The following DLG2 variants were observed in gnomAD, a reference collection of about 807,000 sequenced individuals.
The protein encoded by DLG2 is discs large MAGUK scaffold protein 2.
A neutral mutation model predicts 132.5 loss-of-function variants in DLG2; 45 were observed. The observed-to-expected ratio is 0.34, with a 90% CI of 0.27 to 0.44. DLG2 has a LOEUF of 0.44. Among genes scored for constraint, DLG2 ranks in the 20% least tolerant of loss-of-function variants. DLG2 has a pLI of 1.00. For missense variants in DLG2, 1,045 were observed against 1,196.9 expected (o/e 0.87, Z 1.87); for synonymous variants, 424 against 419.6 (o/e 1.01, Z -0.13).
chr11:84,546,259 T>C (rs143135864), intron 6 of DLG2, among the ~76,000 whole-genome samples: 149 of 152,238 alleles, frequency 9.8e-4, no homozygotes, highest in African/African-American at 3.4e-3. Flanking sequence ...CGAGATCTGA[T>C]TGTTTGGAAG....
At chr11:85,506,870 CTA>C (rs2093947447) in intron 3 of DLG2, among the ~76,000 whole-genome samples, 1 of 152,152 alleles carries the variant, frequency 6.6e-6, no homozygotes, top group African/African-American at 2.4e-5. Context: ...TTGTAGATCT[CTA>C]AGGACTTGCT....
intron 6 of DLG2, among the ~76,000 whole-genome samples, chr11:84,751,664 G>A (rs1369797758): frequency 6.6e-6 from 1 of 152,130 alleles, no homozygotes; most frequent in African/African-American, 2.4e-5. Flanking sequence ...ACATAGAGAG[G>A]TAAAAGAACT....
At chr11:85,589,118 T>C (rs1469269963) in intron 3 of DLG2, among the ~76,000 whole-genome samples, 3 of 152,178 alleles carry the variant, frequency 2.0e-5, no homozygotes, top group Non-Finnish European at 1.5e-5. Flanking sequence ...GTTGTAGATA[T>C]GTTTAGTGTG....
At chr11:84,928,958 A>ATGTG (rs1186822886) in intron 6 of DLG2, among the ~76,000 whole-genome samples, 2,056 of 52,710 alleles carry the variant, frequency 0.039, 186 homozygotes, top group African/African-American at 0.048. Flanking sequence ...ACTCTCTGAT[A>ATGTG]TGTGTGTGTG....
intron 6 of DLG2, among the ~76,000 whole-genome samples, chr11:84,980,694 C>A (rs1223253637): frequency 6.6e-6 from 1 of 152,196 alleles, no homozygotes; most frequent in African/African-American, 2.4e-5. Context: ...TATCAACTTT[C>A]TTTTAACCAC....
At chr11:84,619,952 A>C (rs1035145765) in intron 6 of DLG2, among the ~76,000 whole-genome samples, 4 of 151,714 alleles carry the variant, frequency 2.6e-5, no homozygotes, top group Non-Finnish European at 5.9e-5. Context: ...TTCCAAGTTC[A>C]TCTAAAATGC....
At chr11:85,562,665 T>C (rs1381505852) in intron 3 of DLG2, among the ~76,000 whole-genome samples, 2 of 151,686 alleles carry the variant, frequency 1.3e-5, no homozygotes, top group South Asian at 2.1e-4. Context: ...AGTTCAAAAA[T>C]GGCCTTGTCT....
chr11:85,520,087 C>T (rs971688739), intron 3 of DLG2, among the ~76,000 whole-genome samples: 1 of 151,702 alleles, frequency 6.6e-6, no homozygotes, highest in African/African-American at 2.4e-5. Context: ...CTTTATACTG[C>T]CCAGCCTGGT....
At chr11:83,802,016 T>C (rs2153941692) in intron 17 of DLG2, among the ~76,000 whole-genome samples, 2 of 152,260 alleles carry the variant, frequency 1.3e-5, no homozygotes, top group East Asian at 3.9e-4. Flanking sequence ...GGGAGAATGG[T>C]TGATGAAACT....
chr11:85,180,995 A>G (rs1411769340), intron 4 of DLG2, among the ~76,000 whole-genome samples: 2 of 151,772 alleles, frequency 1.3e-5, no homozygotes, highest in East Asian at 3.9e-4. Context: ...ACAATTTTTT[A>G]ATTATTCATA....
At chr11:84,826,211 ACT>A (rs1408172543) in intron 6 of DLG2, among the ~76,000 whole-genome samples, 3 of 151,738 alleles carry the variant, frequency 2.0e-5, no homozygotes, top group African/African-American at 7.3e-5. Context: ...ATCCAATTAC[ACT>A]CTTTCAGTTA....
intron 3 of DLG2, among the ~76,000 whole-genome samples, chr11:85,486,595 C>A (rs561659439): frequency 9.2e-5 from 14 of 152,230 alleles, no homozygotes; most frequent in Admixed American, 7.2e-4. Context: ...CTGACCCAAC[C>A]TACTGATACC....
rs5793090 is a variant in DLG2 at position 83,892,699 on chromosome 11, T to TAAA, written c.1497-18214_1497-18212dup. Among the ~76,000 whole-genome samples the TAAA allele has an allele frequency of 3.4e-3, 493 of 147,082 alleles. 1 individual carries two copies. The highest frequency in any genetic ancestry group is 6.9e-3 in the African/African-American group (278 of 40,372). On this transcript the variant is annotated intron_variant, in intron 15 of 27. Coordinates refer to ENST00000376104, the MANE Select transcript of DLG2 (RefSeq NM_001142699.3). ...ACATGTCTTAAGATTTGCAAAGAAT[T>TAAA]AAAAAAAAAAAACTCACCTCTAGAG...
At chr11:85,330,852 C>T (rs1226194552) in intron 3 of DLG2, among the ~76,000 whole-genome samples, 2 of 147,660 alleles carry the variant, frequency 1.4e-5, no homozygotes, top group Non-Finnish European at 3.0e-5. Context: ...ATTTCTTTTC[C>T]AGAGTCTGCT....
intron 18 of DLG2, among the ~76,000 whole-genome samples, chr11:83,658,257 T>C (rs2153538192): frequency 6.6e-6 from 1 of 152,370 alleles, no homozygotes; most frequent in Admixed American, 6.5e-5. Context: ...ATGTTCTTGT[T>C]TTCTTAAGAA....
intron 7 of DLG2, among the ~76,000 whole-genome samples, chr11:84,338,122 A>C (rs1299062219): frequency 1.3e-5 from 2 of 152,232 alleles, no homozygotes; most frequent in Non-Finnish European, 2.9e-5. Flanking sequence ...TTAATTCACA[A>C]ATCATTATTT....
chr11:85,088,830 T>C (rs9634018), intron 6 of DLG2, among the ~76,000 whole-genome samples: 36,895 of 152,056 alleles, frequency 0.24, 4,721 homozygotes, highest in Middle Eastern at 0.29. Flanking sequence ...TCATCCTAAT[T>C]TCCTCTAAAC....
In DLG2 at chr11:83,458,474, C is replaced by A. The variant is rs184857187; in HGVS notation, c.*1344G>T. ...ACATAGAAACAAAAAAGTCTGCACC[C>A]CCTCACCCCCAACCAGACACTTCTC... On this transcript the variant is annotated 3_prime_UTR_variant, in exon 28 of 28. Coordinates refer to ENST00000376104, the MANE Select transcript of DLG2 (RefSeq NM_001142699.3). 3.1e-3 allele frequency: 475 copies of A among 153,170 alleles called. No individual in the cohort carries two copies. Among genetic ancestry groups the A allele is most frequent in the Non-Finnish European group, 5.1e-3 (346 of 68,398 alleles). The allele number at this position is 153,170 out of a possible 1,614,324, so 9.5% of individuals were successfully genotyped here. A position where few individuals can be genotyped will look rare whatever the true frequency, so the allele number is the denominator to read the frequency against.
At chr11:84,342,080 G>T (rs994415406) in intron 7 of DLG2, among the ~76,000 whole-genome samples, 8 of 151,490 alleles carry the variant, frequency 5.3e-5, no homozygotes, top group Non-Finnish European at 1.2e-4. Flanking sequence ...TTTATTTAGG[G>T]TACTTTTCTA....
Sources: gnomAD v4.1 joint callset for allele counts (sites outside exome capture counted in the v4.1 genomes callset) on GRCh38, gnomAD v4.1.1 for gene constraint, MANE v1.5 for transcripts, NCBI Gene and HGNC (gene_info 2026-07-23, HGNC 2026-07-21) for gene names.